MYOM3: variants seen among roughly 807,000 people sequenced by gnomAD.
MYOM3 encodes the protein myomesin-3.
In MYOM3, 155 loss-of-function variants were observed where a neutral mutation model predicts 191.7. The ratio of observed to expected loss-of-function variants is 0.81; its 90% CI spans 0.71 to 0.92. MYOM3 has a LOEUF of 0.92. Among genes scored for constraint, MYOM3 ranks in the 40% least tolerant of loss-of-function variants. MYOM3 has a pLI of 0.00. For missense variants in MYOM3, 1,889 were observed against 1,890.6 expected (o/e 1.00, Z 0.02); for synonymous variants, 757 against 762.9 (o/e 0.99, Z 0.13).
chr1:24,100,310 T>C (rs978944549), intron 5 of MYOM3, among the ~76,000 whole-genome samples: 1 of 152,172 alleles, frequency 6.6e-6, no homozygotes. Context: ...TTAAATGGGA[T>C]GGGCTTATAA....
At chr1:24,061,372 G>A (rs1643368293) in intron 33 of MYOM3, 63 bp from the exon 34 acceptor site, 2 of 1,526,388 alleles carry the variant, frequency 1.3e-6, no homozygotes, top group African/African-American at 1.4e-5. Flanking sequence ...GATGGGGACA[G>A]GGTGACCCTG....
intron 16 of MYOM3, chr1:24,084,023 G>A (rs185459002): frequency 5.6e-6 from 1 of 179,014 alleles, no homozygotes; most frequent in African/African-American, 2.4e-5. Flanking sequence ...TATCATTATG[G>A]CCCCCTTTCA....
chr1:24,105,884 A>G, intron 5 of MYOM3, 36 bp downstream of exon 5: 1 of 1,563,020 alleles, frequency 6.4e-7, no homozygotes, highest in South Asian at 1.2e-5. Flanking sequence ...TTGTGACCCC[A>G]GAGGCCCAGA....
rs1643900008 is a variant in MYOM3, at chr1:24,099,833, A to G, written c.561-58T>C. 6.4e-6 allele frequency: 8 copies of G among 1,253,898 alleles called. No individual in the cohort carries two copies. In the South Asian group the frequency reaches 7.2e-5, roughly 11 times the overall value. 77.7% of individuals were successfully genotyped at this position (1,253,898 alleles called of 1,614,324 possible). A position where few individuals can be genotyped will look rare whatever the true frequency, so the allele number is the denominator to read the frequency against. ...GTGGTTCTAAGCGGGAGGGGTCTGG[A>G]GCCTCTCGGATGGGGATTCCAGCTG... On this transcript the variant is annotated intron_variant, in intron 5 of 36. Transcript: ENST00000374434.
At chr1:24,108,154 C>T in intron 2 of MYOM3, 81 bp from the exon 3 acceptor site, 1 of 1,336,074 alleles carries the variant, frequency 7.5e-7, no homozygotes, top group Non-Finnish European at 1.0e-6. Flanking sequence ...ATCTGCCCAC[C>T]TCAGCCTCAG....
intron 15 of MYOM3, 71 bp from the exon 16 acceptor site, chr1:24,084,710 G>C: frequency 5.4e-5 from 74 of 1,378,720 alleles, no homozygotes; most frequent in Non-Finnish European, 6.8e-5. Context: ...GGAAGGGGAG[G>C]AGCATGGGGA....
At chr1:24,070,449 G>A (rs377535716) in intron 25 of MYOM3, among the ~76,000 whole-genome samples, 6 of 151,848 alleles carry the variant, frequency 4.0e-5, no homozygotes, top group South Asian at 2.1e-4. Context: ...TTAGCTGGGC[G>A]TGGTGGTGTG....
chr1:24,070,261 A>G (rs1201793130), intron 25 of MYOM3, among the ~76,000 whole-genome samples: 1 of 152,150 alleles, frequency 6.6e-6, no homozygotes, highest in African/African-American at 2.4e-5. Context: ...TTCTGTACAA[A>G]AGCAGGAAAA....
At chr1:24,064,582 G>T (rs770555672) in intron 29 of MYOM3, among the ~76,000 whole-genome samples, 3 of 152,204 alleles carry the variant, frequency 2.0e-5, no homozygotes, top group Non-Finnish European at 4.4e-5. Context: ...AGGAGGAAGC[G>T]TGTTTTCTCC....
Position 24,107,121 on chromosome 1 carries a change from G to T in MYOM3, c.354C>A (p.Thr118=). ...CCCGCCTCTGGCGCAGCAGCCGGTG[G>T]GTCTGCAGGAAGGCGATCTCAGTCC... ...WERTEIAFLQ[T]HRLLRQRRDW... The change falls in exon 4 of 37, where the codon ACC becomes ACA. Residue 118 remains threonine (T), a synonymous_variant. Coordinates refer to ENST00000374434, the MANE Select transcript of MYOM3 (RefSeq NM_152372.4). The T allele has an allele frequency of 6.2e-7, 1 of 1,612,548 alleles. No homozygotes were observed.
chr1:24,071,356 A>G, intron 24 of MYOM3, 103 bp from the exon 25 acceptor site: 1 of 1,377,154 alleles, frequency 7.3e-7, no homozygotes. Flanking sequence ...GACATGCAAA[A>G]CCTTTAGAGA....
chr1:24,094,285 C>A (rs1340097826), intron 9 of MYOM3, among the ~76,000 whole-genome samples: 2 of 151,550 alleles, frequency 1.3e-5, no homozygotes, highest in Admixed American at 6.6e-5. Flanking sequence ...GATTCTCCTG[C>A]CTCAGCCTCC....
At chr1:24,062,893 T>G (rs544913971) in intron 32 of MYOM3, among the ~76,000 whole-genome samples, 16 of 152,160 alleles carry the variant, frequency 1.1e-4, no homozygotes, top group Non-Finnish European at 2.1e-4. Context: ...TCCCTGGGGA[T>G]CTCGGCAAAG....
At chr1:24,110,364 G>A (rs1404864149) in intron 1 of MYOM3, among the ~76,000 whole-genome samples, 1 of 152,050 alleles carries the variant, frequency 6.6e-6, no homozygotes, top group African/African-American at 2.4e-5. Flanking sequence ...GCGTGCATGT[G>A]TGTGTATGTG....
At chr1:24,088,064 C>T (rs1056705642) in intron 14 of MYOM3, among the ~76,000 whole-genome samples, 1 of 152,140 alleles carries the variant, frequency 6.6e-6, no homozygotes, top group Non-Finnish European at 1.5e-5. Context: ...GTTTACTCTC[C>T]ACAGCATCAG....
chr1:24,082,743 A>G lies in MYOM3; in HGVS notation c.1971-29T>C, dbSNP rs1310076373. On this transcript the variant is annotated intron_variant, in intron 16 of 36. Coordinates refer to ENST00000374434, the MANE Select transcript of MYOM3 (RefSeq NM_152372.4). ...GGAGAGAAATGTGCAGCTTTCATGGATGTACAAACAGCCTGGAGACATTCC... is the reference window on the plus strand; with the variant it reads ...GGAGAGAAATGTGCAGCTTTCATGGGTGTACAAACAGCCTGGAGACATTCC... 6 of 1,565,400 alleles carry G rather than the reference A, an allele frequency of 3.8e-6. No individual in the cohort carries two copies. The South Asian group carries it at 6.1e-5, about 16-fold the overall frequency.
intron 22 of MYOM3, 85 bp downstream of exon 22, chr1:24,075,234 G>T: frequency 7.2e-7 from 1 of 1,389,852 alleles, no homozygotes; most frequent in Non-Finnish European, 1.0e-6. Context: ...GTCCTGCCCT[G>T]TGGTCTCAGC....
intron 29 of MYOM3, 32 bp from the exon 30 acceptor site, chr1:24,064,191 G>A (rs747407390): frequency 2.6e-6 from 4 of 1,564,926 alleles, no homozygotes; most frequent in Admixed American, 1.7e-5. Context: ...GGTGGTGTCA[G>A]CATGGGCTCC....
rs1463391262 is a variant in MYOM3, at chr1:24,093,114, GA to G, written c.929-7del. On this transcript the variant is annotated splice_polypyrimidine_tract_variant and splice_region_variant and intron_variant, in intron 9 of 36. Transcript: ENST00000374434. ...CGAGGACCTCAGTAGGCTCCCTGTG[GA>G]GGGGAAGTGGGGGGCCATTGAGTTT... 6.2e-7 allele frequency: 1 copy of G among 1,603,858 alleles called. No homozygotes were observed. Among genetic ancestry groups the G allele is most frequent in the Non-Finnish European group, 8.5e-7 (1 of 1,178,664 alleles).
Sources: gnomAD v4.1 joint callset for allele counts (sites outside exome capture counted in the v4.1 genomes callset) on GRCh38, gnomAD v4.1.1 for gene constraint, MANE v1.5 for transcripts, NCBI Gene and HGNC (gene_info 2026-07-23, HGNC 2026-07-21) for gene names.